Variants in UPF2 observed in about 807,000 individuals in gnomAD.
UPF2 encodes UPF2 regulator of nonsense mediated mRNA decay.
A neutral mutation model predicts 141.4 loss-of-function variants in UPF2; 17 were observed. That is an observed-to-expected ratio of 0.12 (90% CI 0.08 to 0.18). The LOEUF is 0.18. Ranked by LOEUF, UPF2 falls within the 10% of genes least tolerant of loss-of-function variation. The pLI is 1.00. For synonymous variants in UPF2, 540 were observed against 498.0 expected, an observed-to-expected ratio of 1.08 and a Z score of -1.12; for missense variants, 1,152 against 1,515.9, an observed-to-expected ratio of 0.76 and a Z score of 3.99.
At chr10:12,035,480 G>A (rs1834609177) in intron 1 of UPF2, 39 bp from the exon 2 acceptor site, 4 of 1,459,470 alleles carry the variant, frequency 2.7e-6, no homozygotes, top group Non-Finnish European at 3.6e-6. Context: ...TAGATGCAGT[G>A]ACTTTTTAAA....
chr10:11,944,064 T>C (rs1346214391), intron 16 of UPF2, among the ~76,000 whole-genome samples: 1 of 151,394 alleles, frequency 6.6e-6, no homozygotes, highest in African/African-American at 2.4e-5. Flanking sequence ...CACTGTGCCA[T>C]GATGGCTGAG....
rs548779877 is a variant in UPF2, at chr10:11,972,468, G to C, written c.1954-5014C>G. Among the ~76,000 whole-genome samples, 15 of 152,198 alleles carry C rather than the reference G, an allele frequency of 9.9e-5. No homozygotes were observed. The South Asian group carries it at 2.9e-3, about 29-fold the overall frequency. ...TACATAGGTATACATGTGCCATGTT[G>C]GTGTGCTGCACCCGTTAACTCGTCA... On this transcript the variant is annotated intron_variant, in intron 9 of 21. Transcript: ENST00000357604.
intron 9 of UPF2, among the ~76,000 whole-genome samples, 173 bp downstream of exon 9, chr10:11,978,884 T>C (rs997271873): frequency 6.6e-6 from 1 of 152,204 alleles, no homozygotes; most frequent in African/African-American, 2.4e-5. Context: ...CACTGATCAA[T>C]TTCAAGCTTC....
chr10:11,968,939 C>T (rs911322910), intron 9 of UPF2, among the ~76,000 whole-genome samples: 10 of 152,142 alleles, frequency 6.6e-5, no homozygotes, highest in Admixed American at 3.3e-4. Context: ...CGGCTCACTG[C>T]GACCTCCACC....
rs58106776 is a variant in UPF2 at position 11,938,853 on chromosome 10, GTTTTTTTT to G, written c.3379-2149_3379-2142del. On this transcript the variant is annotated intron_variant, in intron 18 of 21. Transcript: ENST00000357604. ...GTGGTCTTAAGCAAGTTTTTTTTTT[GTTTTTTTT>G]TTTTTTTTTTTTTTTTTTTTTGGAG... Among the ~76,000 whole-genome samples the G allele has an allele frequency of 3.3e-3, 262 of 79,842 alleles. 7 individuals are homozygous for G. Among genetic ancestry groups the G allele is most frequent in the African/African-American group, 0.011 (219 of 20,118 alleles). The allele number at this position is 79,842 out of a possible 152,430, so 52.4% of individuals were successfully genotyped here. A position where few individuals can be genotyped will look rare whatever the true frequency, so the allele number is the denominator to read the frequency against.
At chr10:11,932,170 A>G (rs141890906) in intron 19 of UPF2, among the ~76,000 whole-genome samples, 17 of 152,042 alleles carry the variant, frequency 1.1e-4, no homozygotes, top group Non-Finnish European at 1.8e-4. Context: ...AAAAAGGTAG[A>G]TAGATAATTT....
At position 11,956,448 on chromosome 10, in the gene UPF2, T is replaced by C. The variant is rs1291799451; in HGVS notation, c.2446A>G (p.Ile816Val). The C allele has an allele frequency of 1.9e-6, 3 of 1,614,170 alleles. 1 individual carries two copies. The South Asian group carries it at 3.3e-5, about 18-fold the overall frequency. Residue 816 changes from isoleucine (I) to valine (V), a missense_variant, in exon 13 of 22, where the codon ATC becomes GTC. Coordinates refer to ENST00000357604, the MANE Select transcript of UPF2 (RefSeq NM_015542.4). The surrounding 1 kb of genome is among the most constrained non-coding windows in gnomAD (Gnocchi z 4.2). The part of the protein sequence containing the change: ...KDYVICCMIN[I>V]WNVKYNSIHC... Reference sequence around the variant, plus strand: ...ATACTATTATATTTCACATTCCAGATGTTTATCATACAACAAATAACATAG... The same window carrying C: ...ATACTATTATATTTCACATTCCAGACGTTTATCATACAACAAATAACATAG...
At chr10:11,927,261 G>T (rs1424095164) in intron 21 of UPF2, among the ~76,000 whole-genome samples, 1 of 152,216 alleles carries the variant, frequency 6.6e-6, no homozygotes, top group Non-Finnish European at 1.5e-5. Flanking sequence ...TGCGATACAT[G>T]AATTGTGAGG....
At chr10:11,946,745 C>CT (rs929529491) in intron 16 of UPF2, among the ~76,000 whole-genome samples, 10 of 151,442 alleles carry the variant, frequency 6.6e-5, no homozygotes, top group East Asian at 1.9e-4. Flanking sequence ...TTTTGATCGA[C>CT]TTTTTTTTTC....
intron 14 of UPF2, 74 bp from the exon 15 acceptor site, chr10:11,952,323 G>A: frequency 7.4e-7 from 1 of 1,344,622 alleles, no homozygotes; most frequent in Non-Finnish European, 9.9e-7. Context: ...AAACTATATT[G>A]TGCTGTTTCC....
intron 3 of UPF2, among the ~76,000 whole-genome samples, chr10:12,024,479 A>G (rs935282114): frequency 2.0e-5 from 3 of 151,874 alleles, no homozygotes; most frequent in African/African-American, 2.4e-5. Context: ...GTGTGGTGGC[A>G]TGTGCCTATA....
chr10:12,022,609 A>C (rs747771947), intron 3 of UPF2, among the ~76,000 whole-genome samples: 3 of 152,156 alleles, frequency 2.0e-5, no homozygotes, highest in Non-Finnish European at 2.9e-5. Context: ...TAGAGCTCTT[A>C]GAACATTACA....
chr10:11,996,127 A>G (rs1018146471), intron 8 of UPF2, among the ~76,000 whole-genome samples: 1 of 152,150 alleles, frequency 6.6e-6, no homozygotes, highest in Non-Finnish European at 1.5e-5. Flanking sequence ...CCTGTACTGT[A>G]TCTCCAGCAT....
intron 8 of UPF2, among the ~76,000 whole-genome samples, chr10:11,985,564 G>A (rs1191069640): frequency 6.6e-6 from 1 of 150,742 alleles, no homozygotes; most frequent in Non-Finnish European, 1.5e-5. Context: ...GTGAACCCGG[G>A]AGGCGGAGCT....
At chr10:11,938,643 T>TA (rs200008959) in intron 18 of UPF2, among the ~76,000 whole-genome samples, 20,996 of 145,428 alleles carry the variant, frequency 0.14, 1,483 homozygotes, top group South Asian at 0.27. Context: ...TTTCACACAA[T>TA]AAAAAAAAAA....
chr10:11,973,001 C>G (rs1304795979), intron 9 of UPF2, among the ~76,000 whole-genome samples: 1 of 152,222 alleles, frequency 6.6e-6, no homozygotes, highest in African/African-American at 2.4e-5. Flanking sequence ...GTCCCACCAA[C>G]AGTGGAAAAG....
chr10:12,008,516 G>A (rs1286058742), intron 4 of UPF2, among the ~76,000 whole-genome samples: 2 of 151,190 alleles, frequency 1.3e-5, no homozygotes, highest in East Asian at 3.9e-4. Context: ...TGTAGTCCCA[G>A]CTGCTCAGGA....
chr10:12,002,952 T>A (rs1303325769), intron 5 of UPF2, among the ~76,000 whole-genome samples: 1 of 152,232 alleles, frequency 6.6e-6, no homozygotes, highest in Admixed American at 6.5e-5. Context: ...TTATAGTCTC[T>A]AATCTCCTAA....
intron 8 of UPF2, 29 bp downstream of exon 8, chr10:11,997,643 C>G (rs781528038): frequency 3.1e-6 from 5 of 1,601,372 alleles, no homozygotes; most frequent in Non-Finnish European, 3.4e-6. Flanking sequence ...AGTAAAAACA[C>G]TAATAAATTT....
Sources: gnomAD v4.1 joint callset for allele counts (sites outside exome capture counted in the v4.1 genomes callset) on GRCh38, gnomAD v4.1.1 for gene constraint, Gnocchi (gnomAD v3.1) non-coding constraint, MANE v1.5 for transcripts, NCBI Gene and HGNC (gene_info 2026-07-23, HGNC 2026-07-21) for gene names.